Variants in ZNF423 observed in about 807,000 individuals in gnomAD.
ZNF423 encodes the protein zinc finger protein 423.
In ZNF423, 12 loss-of-function variants were observed where a neutral mutation model predicts 95.8. The observed-to-expected ratio is 0.13, with a 90% CI of 0.08 to 0.20. ZNF423 has a LOEUF of 0.20. ZNF423 is among the 10% of genes least tolerant of loss of function. The pLI, the probability that ZNF423 is intolerant of heterozygous loss-of-function variation, is 1.00. For synonymous variants in ZNF423, 749 were observed against 711.9 expected, an observed-to-expected ratio of 1.05 and a Z score of -0.83; for missense variants, 1,316 against 1,737.1, an observed-to-expected ratio of 0.76 and a Z score of 4.31.
At chr16:49,680,154 C>G (rs1318630263) in intron 3 of ZNF423, among the ~76,000 whole-genome samples, 2 of 152,206 alleles carry the variant, frequency 1.3e-5, no homozygotes, top group Admixed American at 6.5e-5. Flanking sequence ...AGGCAAGGAG[C>G]TACCCACTGC....
At chr16:49,791,308 G>A (rs2034409906) in intron 1 of ZNF423, among the ~76,000 whole-genome samples, 1 of 152,116 alleles carries the variant, frequency 6.6e-6, no homozygotes, top group Non-Finnish European at 1.5e-5. Context: ...AAGACCTCGT[G>A]TCAGACAAAA....
At chr16:49,546,371 C>T (rs1017705944) in intron 5 of ZNF423, among the ~76,000 whole-genome samples, 1 of 152,110 alleles carries the variant, frequency 6.6e-6, no homozygotes, top group East Asian at 1.9e-4. Flanking sequence ...TAAGAAACTA[C>T]TCGGTGGGGT....
chr16:49,724,409 C>T (rs1433433706), intron 3 of ZNF423, among the ~76,000 whole-genome samples: 1 of 108,676 alleles, frequency 9.2e-6, no homozygotes, highest in East Asian at 3.2e-4. Context: ...ACACCAAGGC[C>T]CCGAGTGCAT....
chr16:49,785,064 C>A (rs79803123), intron 2 of ZNF423, among the ~76,000 whole-genome samples: 6,190 of 150,364 alleles, frequency 0.041, 415 homozygotes, highest in African/African-American at 0.14. Flanking sequence ...TTTTCTTTTT[C>A]TTTTATTTAG....
chr16:49,627,273 C>T (rs576691706), intron 4 of ZNF423, among the ~76,000 whole-genome samples: 55 of 143,366 alleles, frequency 3.8e-4, no homozygotes, highest in Non-Finnish European at 7.0e-4. Context: ...CATACCCACC[C>T]ATCCATCCTC....
intron 5 of ZNF423, among the ~76,000 whole-genome samples, chr16:49,602,628 G>A (rs1041298618): frequency 6.6e-6 from 1 of 152,168 alleles, no homozygotes. Context: ...GGCTCCAGCC[G>A]CAGGCCCAGG....
chr16:49,634,721 AAC>A (rs1972622540), intron 4 of ZNF423, among the ~76,000 whole-genome samples: 1 of 152,176 alleles, frequency 6.6e-6, no homozygotes, highest in South Asian at 2.1e-4. Context: ...GGAAACAGAC[AAC>A]ACAGACTCAA....
intron 5 of ZNF423, among the ~76,000 whole-genome samples, chr16:49,615,128 TCTCA>T (rs1045009356): frequency 3.0e-5 from 3 of 98,452 alleles, no homozygotes; most frequent in South Asian, 4.4e-4. Flanking sequence ...AGAAACTCCA[TCTCA>T]CACACACACA....
chr16:49,837,628 G>A (rs1030478468), intron 1 of ZNF423, among the ~76,000 whole-genome samples: 1 of 152,154 alleles, frequency 6.6e-6, no homozygotes, highest in African/African-American at 2.4e-5. Context: ...GCCCTTCCAG[G>A]AGAGCCTGCC....
intron 5 of ZNF423, among the ~76,000 whole-genome samples, chr16:49,592,486 C>G (rs1406434390): frequency 6.6e-6 from 1 of 152,224 alleles, no homozygotes; most frequent in African/African-American, 2.4e-5. Flanking sequence ...ACCCCAGAGT[C>G]TTCTTAATGC....
chr16:49,774,094 T>C (rs2034080651), intron 2 of ZNF423, among the ~76,000 whole-genome samples: 1 of 152,234 alleles, frequency 6.6e-6, no homozygotes, highest in Admixed American at 6.5e-5. Flanking sequence ...CCGTCCCTGA[T>C]GGGTGAGTCC....
intron 5 of ZNF423, among the ~76,000 whole-genome samples, chr16:49,619,514 G>A (rs2151855098): frequency 6.6e-6 from 1 of 152,220 alleles, no homozygotes; most frequent in African/African-American, 2.4e-5. Flanking sequence ...CAAGTCCTTT[G>A]GGCTGGTTCT....
intron 2 of ZNF423, among the ~76,000 whole-genome samples, chr16:49,783,072 C>A (rs892408601): frequency 3.3e-5 from 5 of 151,978 alleles, no homozygotes; most frequent in African/African-American, 1.2e-4. Flanking sequence ...TGAAACCCCA[C>A]ATCATAGACC....
At chr16:49,529,814 A>T (rs1374611392) in intron 5 of ZNF423, among the ~76,000 whole-genome samples, 1 of 151,956 alleles carries the variant, frequency 6.6e-6, no homozygotes, top group Non-Finnish European at 1.5e-5. Flanking sequence ...CGGGGTGTGG[A>T]CGGGGCATTG....
At chr16:49,757,069 A>G (rs1345707367) in intron 2 of ZNF423, among the ~76,000 whole-genome samples, 1 of 152,196 alleles carries the variant, frequency 6.6e-6, no homozygotes, top group Non-Finnish European at 1.5e-5. Context: ...TTTCTTATAA[A>G]TTACTTGTCA....
chr16:49,636,699 G>C lies in ZNF423; in HGVS notation c.2477C>G (p.Ala826Gly), dbSNP rs201920076. ...CAGGTGCTTCTCCAGCAGGATGATG[G>C]CGTGGAAGGCCTTGCTGCAGAACTT... The part of the protein sequence containing the change: ...NCKFCSKAFH[A>G]IILLEKHLRE... The change falls in exon 4 of 8, where the codon GCC becomes GGC. Residue 826 changes from alanine to glycine, a missense_variant. This residue lies in a region of ZNF423 where 620 missense variants were observed against 775.6 expected (regional missense o/e 0.80). Transcript: ENST00000563137. This position sits in a 1 kb window ranked among gnomAD's most constrained non-coding sequence, Gnocchi z 8.6. 2 of 1,614,108 alleles carry C rather than the reference G, an allele frequency of 1.2e-6. No homozygotes were observed. The highest frequency in any genetic ancestry group is 3.3e-5 in the Admixed American group (2 of 60,024).
intron 7 of ZNF423, among the ~76,000 whole-genome samples, chr16:49,519,994 G>A (rs56144876): frequency 0.014 from 2,162 of 152,162 alleles, 37 homozygotes; most frequent in African/African-American, 0.046. Flanking sequence ...CCACCTCCTC[G>A]GGGAGGCCCT....
intron 5 of ZNF423, among the ~76,000 whole-genome samples, chr16:49,608,051 C>T (rs1317331695): frequency 6.6e-6 from 1 of 152,238 alleles, no homozygotes; most frequent in African/African-American, 2.4e-5. Context: ...TCCCCTCAAC[C>T]CCCAAGCACC....
intron 7 of ZNF423, among the ~76,000 whole-genome samples, chr16:49,519,596 GT>G (rs1968302520): frequency 6.6e-6 from 1 of 152,188 alleles, no homozygotes; most frequent in Admixed American, 6.5e-5. Flanking sequence ...TCATTATGGA[GT>G]TTTGAGAGTT....
Sources: gnomAD v4.1 joint callset for allele counts (sites outside exome capture counted in the v4.1 genomes callset) on GRCh38, gnomAD v4.1.1 for gene constraint, gnomAD v4.1.1 regional missense constraint, Gnocchi (gnomAD v3.1) non-coding constraint, MANE v1.5 for transcripts, NCBI Gene and HGNC (gene_info 2026-07-23, HGNC 2026-07-21) for gene names.